AK8: variants seen among roughly 807,000 people sequenced by gnomAD.
AK8 encodes the protein ATP-AMP transphosphorylase 8.
In AK8, 44 loss-of-function variants were observed where a neutral mutation model predicts 54.6. The ratio of observed to expected loss-of-function variants is 0.81; its 90% CI spans 0.63 to 1.04. The LOEUF is 1.04. Among genes scored for constraint, AK8 ranks in the 50% least tolerant of loss-of-function variants. AK8 has a pLI of 0.00. For missense variants in AK8, 555 were observed against 613.6 expected (o/e 0.90, Z 1.01); for synonymous variants, 239 against 245.6 (o/e 0.97, Z 0.25).
At chr9:132,854,765 CCT>C in intron 5 of AK8, 90 bp downstream of exon 5, 2 of 1,379,306 alleles carry the variant, frequency 1.5e-6, no homozygotes, top group Admixed American at 1.7e-5. Context: ...TTCTCTTATG[CCT>C]CTGGTCATCT....
intron 11 of AK8, among the ~76,000 whole-genome samples, chr9:132,746,748 A>G (rs1394125207): frequency 6.6e-6 from 1 of 152,202 alleles, no homozygotes; most frequent in Non-Finnish European, 1.5e-5. Context: ...AAATAGATCC[A>G]GGTGGAAAAG....
intron 11 of AK8, among the ~76,000 whole-genome samples, chr9:132,783,642 A>G (rs548109044): frequency 2.0e-5 from 3 of 152,276 alleles, no homozygotes; most frequent in African/African-American, 7.2e-5. Context: ...CAGGAAACAT[A>G]AGAACATTTT....
chr9:132,864,371 T>G (rs60030560), intron 3 of AK8, among the ~76,000 whole-genome samples: 29,633 of 152,134 alleles, frequency 0.19, 4,334 homozygotes, highest in African/African-American at 0.4. Flanking sequence ...GTGTGAACCT[T>G]CGTTCTTCCT....
At chr9:132,828,536 A>T in intron 6 of AK8, 109 bp downstream of exon 6, 1 of 912,252 alleles carries the variant, frequency 1.1e-6, no homozygotes. Flanking sequence ...GCTGGGTCTC[A>T]GACGGTGCCT....
At chr9:132,728,153 T>C (rs10901206) in intron 11 of AK8, among the ~76,000 whole-genome samples, 27,474 of 152,192 alleles carry the variant, frequency 0.18, 2,949 homozygotes, top group East Asian at 0.33. Flanking sequence ...TGGGCATCAT[T>C]TTCCACATGT....
At chr9:132,740,057 C>G (rs927644309) in intron 11 of AK8, among the ~76,000 whole-genome samples, 3 of 152,250 alleles carry the variant, frequency 2.0e-5, no homozygotes, top group Admixed American at 1.3e-4. Context: ...AAGCTGCCAA[C>G]ATGGCGTCCT....
intron 2 of AK8, 90 bp downstream of exon 2, chr9:132,875,022 AGAG>A (rs1844027440): frequency 1.2e-5 from 18 of 1,487,292 alleles, no homozygotes; most frequent in African/African-American, 2.8e-5. Context: ...CTGGAGAGGA[AGAG>A]GAGGAGGAGG....
chr9:132,805,095 G>GC lies in AK8; in HGVS notation c.979+9542dup, dbSNP rs1445118626. 2.6e-5 allele frequency among the ~76,000 whole-genome samples: 4 copies of GC among 152,330 alleles called. No individual in the cohort carries two copies. In the South Asian group the frequency reaches 8.3e-4, roughly 32 times the overall value. On this transcript the variant is annotated intron_variant, in intron 10 of 12. Coordinates refer to ENST00000298545, the MANE Select transcript of AK8 (RefSeq NM_152572.3). Reference sequence around the variant, plus strand: ...AGAGACCTCCCGACTGGAGAAGAAGGCCCGGGGCCTCCAGGGTCAGGCCTG... The same window carrying GC: ...AGAGACCTCCCGACTGGAGAAGAAGGCCCCGGGGCCTCCAGGGTCAGGCCTG...
chr9:132,735,384 AACTG>A (rs1264396241), intron 11 of AK8, among the ~76,000 whole-genome samples: 2 of 152,228 alleles, frequency 1.3e-5, no homozygotes, highest in East Asian at 3.8e-4. Flanking sequence ...GATGTACAAT[AACTG>A]ACTGCAAATA....
intron 11 of AK8, among the ~76,000 whole-genome samples, chr9:132,750,865 C>T (rs562832972): frequency 2.6e-5 from 4 of 152,110 alleles, no homozygotes; most frequent in African/African-American, 4.8e-5. Context: ...GGGTAAAGGT[C>T]ACCGCCTGGA....
rs74837410 is a variant in AK8 at position 132,743,349 on chromosome 9, T to C, written c.1122-15815A>G. Reference sequence around the variant, plus strand: ...AGTGCATCTCCTCGTCACTGGTCACTGGAAACAGGGCAGTGGAGACACGGG... The same window carrying C: ...AGTGCATCTCCTCGTCACTGGTCACCGGAAACAGGGCAGTGGAGACACGGG... On this transcript the variant is annotated intron_variant, in intron 11 of 12. Coordinates refer to ENST00000298545, the MANE Select transcript of AK8 (RefSeq NM_152572.3). 6.6e-4 allele frequency among the ~76,000 whole-genome samples: 101 copies of C among 152,360 alleles called. 2 individuals are homozygous for C. In the East Asian group the frequency reaches 0.017, roughly 26 times the overall value.
At chr9:132,732,393 G>T (rs963197046) in intron 11 of AK8, among the ~76,000 whole-genome samples, 1 of 151,938 alleles carries the variant, frequency 6.6e-6, no homozygotes, top group African/African-American at 2.4e-5. Flanking sequence ...ATCTTCTATG[G>T]CATTCAGGAT....
At chr9:132,745,275 C>T (rs1042596045) in intron 11 of AK8, among the ~76,000 whole-genome samples, 3 of 152,118 alleles carry the variant, frequency 2.0e-5, no homozygotes, top group East Asian at 1.9e-4. Context: ...GGGATGAGGA[C>T]GTACAAAATG....
intron 11 of AK8, among the ~76,000 whole-genome samples, chr9:132,732,219 A>T (rs1200764464): frequency 6.6e-6 from 1 of 152,136 alleles, no homozygotes; most frequent in Admixed American, 6.5e-5. Flanking sequence ...GTTTTTTTCC[A>T]CAATTATATT....
intron 5 of AK8, among the ~76,000 whole-genome samples, chr9:132,844,620 G>T (rs1439872003): frequency 6.6e-6 from 1 of 152,204 alleles, no homozygotes; most frequent in African/African-American, 2.4e-5. Context: ...CCAGCGGGAA[G>T]AGATGAAAAG....
At chr9:132,767,870 G>A (rs1838789823) in intron 11 of AK8, among the ~76,000 whole-genome samples, 1 of 152,154 alleles carries the variant, frequency 6.6e-6, no homozygotes, top group Non-Finnish European at 1.5e-5. Context: ...AGAAAAATAT[G>A]GCATGTTCTC....
chr9:132,824,327 A>G (rs1423500668), intron 8 of AK8, among the ~76,000 whole-genome samples: 1 of 152,170 alleles, frequency 6.6e-6, no homozygotes, highest in African/African-American at 2.4e-5. Context: ...AAGGCCCCAG[A>G]CTGTCCTGTG....
At chr9:132,878,297 A>G (rs747161265), upstream of AK8, 20 of 1,326,604 alleles carry the variant, frequency 1.5e-5, no homozygotes, top group Non-Finnish European at 1.8e-5. The surrounding 1 kb of genome is among the most constrained non-coding windows in gnomAD (Gnocchi z 4.7). Context: ...CCGCGTCGCT[A>G]GGGCCGCCGC....
chr9:132,738,007 T>C (rs56173051), intron 11 of AK8, among the ~76,000 whole-genome samples: 6,519 of 151,974 alleles, frequency 0.043, 187 homozygotes, highest in South Asian at 0.12. Flanking sequence ...TCCTGGCATG[T>C]GCTAAGTGCT....
Sources: allele counts gnomAD v4.1 joint callset (sites outside exome capture counted in the v4.1 genomes callset), GRCh38; gene constraint gnomAD v4.1.1; non-coding constraint Gnocchi (gnomAD v3.1); transcripts MANE v1.5; gene names NCBI Gene and HGNC (gene_info 2026-07-23, HGNC 2026-07-21).